The following GPR143 variants were observed in gnomAD, a reference collection of about 807,000 sequenced individuals.
The protein encoded by GPR143 is G-protein coupled receptor 143.
In GPR143, 8 loss-of-function variants were observed where a neutral mutation model predicts 27.6. That is an observed-to-expected ratio of 0.29 (90% CI 0.17 to 0.52). GPR143 has a LOEUF of 0.52. Among genes scored for constraint, GPR143 ranks in the 20% least tolerant of loss-of-function variants. The probability of loss-of-function intolerance (pLI) is 0.96; values close to 1 mark genes in which losing one functional copy is unlikely to be tolerated. For synonymous variants in GPR143, 156 were observed against 153.2 expected (o/e 1.02, Z -0.13); for missense variants, 303 against 343.1 (o/e 0.88, Z 0.92).
intron 2 of GPR143, among the ~76,000 whole-genome samples, chrX:9,759,759 G>A (rs1308976564): frequency 3.6e-5 from 4 of 111,971 alleles, no homozygotes; most frequent in Non-Finnish European, 5.6e-5. Context: ...GAATGAGTAC[G>A]GGGAGGAGGG....
intron 1 of GPR143, among the ~76,000 whole-genome samples, chrX:9,777,175 TAAG>T (rs2083573396): frequency 8.9e-6 from 1 of 112,540 alleles, no homozygotes; most frequent in Admixed American, 9.4e-5. Context: ...AACAATAAAA[TAAG>T]AAATATGCAT....
intron 1 of GPR143, among the ~76,000 whole-genome samples, chrX:9,774,429 G>A (rs965608829): frequency 2.7e-5 from 3 of 112,174 alleles, no homozygotes; most frequent in Admixed American, 1.9e-4. Context: ...CTGGTGGGGC[G>A]AGGGGGCTGC....
chrX:9,735,743 GCCTATT>G (rs2083376500), intron 8 of GPR143, among the ~76,000 whole-genome samples: 1 of 111,717 alleles, frequency 9.0e-6, no homozygotes, highest in South Asian at 3.7e-4. Context: ...CTCCATGCCA[GCCTATT>G]GGTCTTGTAG....
chrX:9,738,462 T>G, intron 8 of GPR143: 3 of 733,455 alleles, frequency 4.1e-6, no homozygotes, highest in South Asian at 7.0e-5. Flanking sequence ...TCTTTTAGCT[T>G]CAGCCAGAAC....
chrX:9,746,220 C>T (rs1601879048), intron 4 of GPR143, 67 bp from the exon 5 acceptor site: 1 of 633,987 alleles, frequency 1.6e-6, no homozygotes, highest in East Asian at 3.2e-5. Context: ...ATCTACTTAT[C>T]TGGAAGTCAA....
chrX:9,745,949 T>G (rs1249315724), intron 5 of GPR143, 95 bp downstream of exon 5: 1 of 581,651 alleles, frequency 1.7e-6, no homozygotes, highest in Admixed American at 2.3e-5. Context: ...TCAACTGTCC[T>G]GGAGAATTCC....
upstream of GPR143, among the ~76,000 whole-genome samples, chrX:9,769,347 T>C (rs1433197631): frequency 4.5e-5 from 5 of 111,561 alleles, no homozygotes; most frequent in Non-Finnish European, 9.4e-5. Flanking sequence ...CTTGATCAGA[T>C]GCACTTGATC....
At chrX:9,771,538 T>C (rs1240029714) in intron 1 of GPR143, among the ~76,000 whole-genome samples, 2 of 110,713 alleles carry the variant, frequency 1.8e-5, no homozygotes, top group African/African-American at 6.6e-5. Context: ...CAAGGAGACA[T>C]GGCTGCTGCT....
chrX:9,732,002 A>G (rs899258322), intron 8 of GPR143, among the ~76,000 whole-genome samples: 1 of 112,170 alleles, frequency 8.9e-6, no homozygotes, highest in Admixed American at 9.5e-5. Flanking sequence ...TGCATGTGAG[A>G]CAATTTAATA....
At chrX:9,733,326 C>T (rs1239111906) in intron 8 of GPR143, among the ~76,000 whole-genome samples, 1 of 109,782 alleles carries the variant, frequency 9.1e-6, no homozygotes, top group African/African-American at 3.3e-5. Context: ...CACAGAATTG[C>T]GGGAAAGACA....
Position 9,746,171 on chromosome X carries a change from A to G in GPR143, c.549-18T>C. The G allele has an allele frequency of 9.8e-7, 1 of 1,018,410 alleles. No homozygotes were observed. The highest frequency in any genetic ancestry group is 1.4e-6 in the Non-Finnish European group (1 of 718,828). 83.9% of individuals were successfully genotyped at this position (1,018,410 alleles called of 1,213,427 possible). A position where few individuals can be genotyped will look rare whatever the true frequency, so the allele number is the denominator to read the frequency against. On this transcript the variant is annotated intron_variant, in intron 4 of 8. Coordinates refer to ENST00000467482, the MANE Select transcript of GPR143 (RefSeq NM_000273.3). The stretch of plus-strand genomic sequence containing the variant: ...GCTCACACCTGAGAGAGGAAAACCA[A>G]AGTCATTCTTCTCAAAAGCAAAGTT...
At chrX:9,728,579 AC>A (rs2083339297) in intron 8 of GPR143, among the ~76,000 whole-genome samples, 1 of 91,876 alleles carries the variant, frequency 1.1e-5, no homozygotes, top group African/African-American at 4.2e-5. Flanking sequence ...ACTTTGGGAG[AC>A]CGAGTCAGGA....
chrX:9,739,496 A>G lies in GPR143; in HGVS notation c.1109T>C (p.Met370Thr). 8.3e-7 allele frequency: 1 copy of G among 1,199,882 alleles called. No individual in the cohort carries two copies. The highest frequency in any genetic ancestry group is 1.7e-5 in the African/African-American group (1 of 57,700). The change falls in exon 8 of 9, where the codon ATG becomes ACG. Residue 370 changes from methionine to threonine, a missense_variant. Met to Thr is a moderately conservative substitution (Grantham distance 81). Transcript: ENST00000467482. Reference sequence around the variant, plus strand: ...AGACAGGGCATTACCTTCAGACAGCATGCTCAGGGCTTCGTCAGAAGTCTG... The same window carrying G: ...AGACAGGGCATTACCTTCAGACAGCGTGCTCAGGGCTTCGTCAGAAGTCTG... Reference protein sequence around the residue: ...GGQTSDEALSMLSEGSDASTI... With the variant: ...GGQTSDEALSTLSEGSDASTI...
At chrX:9,771,483 G>A (rs766032256) in intron 1 of GPR143, among the ~76,000 whole-genome samples, 53 of 110,934 alleles carry the variant, frequency 4.8e-4, no homozygotes, top group African/African-American at 1.4e-3. Flanking sequence ...CCTGATTCAG[G>A]GTTTCTGGGG....
intron 3 of GPR143, among the ~76,000 whole-genome samples, chrX:9,758,488 G>A (rs973302597): frequency 5.4e-5 from 6 of 111,962 alleles, no homozygotes; most frequent in Non-Finnish European, 1.1e-4. Flanking sequence ...CCAGATACTA[G>A]CCACTGAGTA....
intron 8 of GPR143, among the ~76,000 whole-genome samples, chrX:9,728,245 T>A (rs2083337109): frequency 9.0e-6 from 1 of 110,725 alleles, no homozygotes; most frequent in Non-Finnish European, 1.9e-5. Context: ...ACATGGGGAA[T>A]GGGTCAGTAC....
intron 1 of GPR143, among the ~76,000 whole-genome samples, chrX:9,774,786 A>G (rs1334847023): frequency 8.9e-6 from 1 of 112,553 alleles, no homozygotes; most frequent in Non-Finnish European, 1.9e-5. Flanking sequence ...TTTGGACTTG[A>G]ACCCCTTCTT....
In GPR143 at chrX:9,725,539, G is replaced by T; in HGVS notation, c.*207C>A. 1 of 409,244 alleles carries T rather than the reference G, an allele frequency of 2.4e-6. No homozygotes were observed. Among genetic ancestry groups the T allele is most frequent in the South Asian group, 3.7e-5 (1 of 27,176 alleles). The allele number at this position is 409,244 out of a possible 1,213,427, so 33.7% of individuals were successfully genotyped here. On this transcript the variant is annotated 3_prime_UTR_variant, in exon 9 of 9. Coordinates refer to ENST00000467482, the MANE Select transcript of GPR143 (RefSeq NM_000273.3). ...AGCAGCTGTAGAGTGGTCTGGAGGG[G>T]GCTCTTCCATTCTCACACGTGTGTG...
chrX:9,752,573 A>T (rs1350128045), intron 3 of GPR143, among the ~76,000 whole-genome samples: 1 of 112,186 alleles, frequency 8.9e-6, no homozygotes, highest in African/African-American at 3.2e-5. Context: ...TAACTGCCAG[A>T]ATCCAGAAAA....
Sources: gnomAD v4.1 joint callset for allele counts (sites outside exome capture counted in the v4.1 genomes callset) on GRCh38, gnomAD v4.1.1 for gene constraint, MANE v1.5 for transcripts, NCBI Gene and HGNC (gene_info 2026-07-23, HGNC 2026-07-21) for gene names.